Variants in ROBO2 observed in about 807,000 individuals in gnomAD.
ROBO2 encodes the protein roundabout homolog 2.
ROBO2 carries 53 observed loss-of-function variants against 160.8 expected under a neutral mutation model. That is an observed-to-expected ratio of 0.33 (90% CI 0.26 to 0.41). The LOEUF (loss-of-function observed/expected upper bound fraction) is 0.41. Among genes scored for constraint, ROBO2 ranks in the 10% least tolerant of loss-of-function variants. ROBO2 has a pLI of 1.00. For synonymous variants in ROBO2, 664 were observed against 611.7 expected, an observed-to-expected ratio of 1.09 and a Z score of -1.26; for missense variants, 1,577 against 1,722.4, an observed-to-expected ratio of 0.92 and a Z score of 1.49.
At chr3:76,962,761 G>A (rs13326629) in intron 2 of ROBO2, among the ~76,000 whole-genome samples, 6,019 of 151,956 alleles carry the variant, frequency 0.04, 388 homozygotes, top group African/African-American at 0.14. Context: ...GACTATGATC[G>A]TGCCACTGCA....
intron 2 of ROBO2, among the ~76,000 whole-genome samples, chr3:75,997,103 A>G (rs1278893100): frequency 6.6e-6 from 1 of 152,212 alleles, no homozygotes; most frequent in Non-Finnish European, 1.5e-5. Context: ...CAAAGATTCA[A>G]TGTAGGAATC....
At chr3:76,538,387 A>C (rs2082630788) in intron 2 of ROBO2, among the ~76,000 whole-genome samples, 1 of 152,110 alleles carries the variant, frequency 6.6e-6, no homozygotes, top group South Asian at 2.1e-4. Context: ...TTTTTGATCC[A>C]GACTTATTTT....
chr3:76,948,908 A>ATTT (rs1157110855), intron 2 of ROBO2, among the ~76,000 whole-genome samples: 4 of 24,970 alleles, frequency 1.6e-4, no homozygotes, highest in Admixed American at 7.0e-4. Flanking sequence ...ATATATATAT[A>ATTT]TTTTTTTTTT....
At chr3:77,273,851 A>G (rs1179574684) in intron 2 of ROBO2, among the ~76,000 whole-genome samples, 1 of 152,128 alleles carries the variant, frequency 6.6e-6, no homozygotes, top group Non-Finnish European at 1.5e-5. Flanking sequence ...CTGCATCACC[A>G]TCGTGTCATG....
At chr3:76,516,114 T>C (rs1348705578) in intron 2 of ROBO2, among the ~76,000 whole-genome samples, 2 of 152,124 alleles carry the variant, frequency 1.3e-5, no homozygotes, top group Non-Finnish European at 2.9e-5. Context: ...TCCCTAAAAG[T>C]CAAAATTCCA....
intron 2 of ROBO2, among the ~76,000 whole-genome samples, chr3:76,902,884 TATA>T (rs1470888169): frequency 2.0e-5 from 3 of 151,834 alleles, no homozygotes; most frequent in Non-Finnish European, 4.4e-5. Flanking sequence ...AACTATGTTA[TATA>T]ATAATAATAA....
chr3:76,845,500 C>T (rs2068696071), intron 2 of ROBO2, among the ~76,000 whole-genome samples: 1 of 151,910 alleles, frequency 6.6e-6, no homozygotes, highest in South Asian at 2.1e-4. Flanking sequence ...TATAGAAGGA[C>T]TTACCCCAAG....
chr3:76,272,833 A>ATATATATTTATATATAAAATATATAAAT (rs1707576423), intron 2 of ROBO2, among the ~76,000 whole-genome samples: 1 of 2,036 alleles, frequency 4.9e-4, no homozygotes, highest in Non-Finnish European at 2.5e-3. Flanking sequence ...TATATAAAAT[A>ATATATATTTATATATAAAATATATAAAT]TATATATTAT....
At chr3:77,553,499 A>G (rs2092997005) in intron 8 of ROBO2, among the ~76,000 whole-genome samples, 1 of 152,016 alleles carries the variant, frequency 6.6e-6, no homozygotes, top group African/African-American at 2.4e-5. Context: ...TGAGGAAGGC[A>G]TGTCAAAAAC....
At chr3:77,634,595 A>C in intron 23 of ROBO2, 1 of 429,000 alleles carries the variant, frequency 2.3e-6, no homozygotes, top group Non-Finnish European at 4.3e-6. Context: ...TAATCATGCA[A>C]TATTGAGTTG....
chr3:76,233,462 T>C (rs779122175), intron 2 of ROBO2, among the ~76,000 whole-genome samples: 35 of 152,146 alleles, frequency 2.3e-4, no homozygotes, highest in Admixed American at 1.0e-3. Context: ...ATTATTGTAA[T>C]TGCTGGTAGT....
At chr3:77,164,355 G>A (rs1487303860) in intron 2 of ROBO2, among the ~76,000 whole-genome samples, 2 of 152,040 alleles carry the variant, frequency 1.3e-5, no homozygotes, top group African/African-American at 4.8e-5. Context: ...GGGCCAGGCT[G>A]GTATAAAGCC....
chr3:76,423,835 C>T (rs767198290), intron 2 of ROBO2, among the ~76,000 whole-genome samples: 5 of 152,020 alleles, frequency 3.3e-5, no homozygotes, highest in Non-Finnish European at 5.9e-5. Context: ...GAGATAAAAA[C>T]GATCATTGTG....
intron 2 of ROBO2, among the ~76,000 whole-genome samples, chr3:76,874,131 A>G (rs2072447551): frequency 6.6e-6 from 1 of 152,146 alleles, no homozygotes; most frequent in African/African-American, 2.4e-5. Flanking sequence ...TGAGAAAAGG[A>G]ATTTAAGTGC....
chr3:76,769,902 G>A (rs35417769), intron 2 of ROBO2, among the ~76,000 whole-genome samples: 4,484 of 151,476 alleles, frequency 0.03, 79 homozygotes, highest in Non-Finnish European at 0.048. Flanking sequence ...CTTGATACCT[G>A]TCATTGTGTT....
At chr3:76,254,117 A>G (rs529448096) in intron 2 of ROBO2, among the ~76,000 whole-genome samples, 3 of 152,220 alleles carry the variant, frequency 2.0e-5, no homozygotes, top group Admixed American at 2.0e-4. Flanking sequence ...ACTTTTGCAG[A>G]TCTATATCTC....
intron 2 of ROBO2, among the ~76,000 whole-genome samples, chr3:76,110,072 T>A (rs1057071103): frequency 2.6e-5 from 4 of 151,198 alleles, no homozygotes; most frequent in African/African-American, 9.7e-5. Flanking sequence ...TATATATATA[T>A]AAAAGCTTCT....
intron 1 of ROBO2, among the ~76,000 whole-genome samples, chr3:77,068,247 A>G (rs927283698): frequency 6.6e-6 from 1 of 152,114 alleles, no homozygotes; most frequent in Non-Finnish European, 1.5e-5. Flanking sequence ...GTAAGCCTTA[A>G]TTGATATAAG....
chr3:76,949,618 G>C (rs540328153), intron 2 of ROBO2, among the ~76,000 whole-genome samples: 2 of 152,104 alleles, frequency 1.3e-5, no homozygotes, highest in African/African-American at 4.8e-5. Flanking sequence ...CCACAGACTG[G>C]CTCTGCTTCT....
Sources: allele counts gnomAD v4.1 joint callset (sites outside exome capture counted in the v4.1 genomes callset), GRCh38; gene constraint gnomAD v4.1.1; transcripts MANE v1.5; gene names NCBI Gene and HGNC (gene_info 2026-07-23, HGNC 2026-07-21).